Variants in PRMT8 observed in about 807,000 individuals in gnomAD.
The protein encoded by PRMT8 is protein arginine N-methyltransferase 8.
A neutral mutation model predicts 47.1 loss-of-function variants in PRMT8; 7 were observed. The observed-to-expected ratio is 0.15, with a 90% CI of 0.08 to 0.28. The LOEUF (loss-of-function observed/expected upper bound fraction) is 0.28, where lower values mean the gene tolerates loss of function less well. Among genes scored for constraint, PRMT8 ranks in the 10% least tolerant of loss-of-function variants. The pLI, the probability that PRMT8 is intolerant of heterozygous loss-of-function variation, is 1.00. For missense variants in PRMT8, 237 were observed against 505.4 expected (o/e 0.47, Z 5.09); for synonymous variants, 188 against 186.5 (o/e 1.01, Z -0.07).
chr12:3,586,264 A>T (rs1231903868), intron 8 of PRMT8, among the ~76,000 whole-genome samples: 1 of 152,116 alleles, frequency 6.6e-6, no homozygotes, highest in African/African-American at 2.4e-5. Context: ...ATCCAGAATC[A>T]AGACATCGGC....
At position 3,569,844 on chromosome 12, in the gene PRMT8, G is replaced by A. The variant is rs2137208220; in HGVS notation, c.712+280G>A. Among the ~76,000 whole-genome samples the A allele has an allele frequency of 6.6e-6, 1 of 152,318 alleles. No homozygotes were observed. Among genetic ancestry groups the A allele is most frequent in the South Asian group, 2.1e-4 (1 of 4,826 alleles). On this transcript the variant is annotated intron_variant, in intron 6 of 9. Transcript: ENST00000382622. The surrounding 1 kb of genome is among the most constrained non-coding windows in gnomAD (Gnocchi z 8.2). ...GTGAATTAAAAATTGGACTGAGGCA[G>A]CAGAAGCTGAGTTTTTGCAGAGATC...
At chr12:3,577,068 T>C in intron 7 of PRMT8, 82 bp downstream of exon 7, 1 of 1,171,628 alleles carries the variant, frequency 8.5e-7, no homozygotes, top group Non-Finnish European at 1.3e-6. Flanking sequence ...TGCCGGCTCC[T>C]GCACAGCCCC....
At chr12:3,512,801 A>G (rs1006642983) in intron 1 of PRMT8, among the ~76,000 whole-genome samples, 3 of 152,216 alleles carry the variant, frequency 2.0e-5, no homozygotes, top group East Asian at 3.8e-4. Context: ...GAATAAGTAA[A>G]TGAACTATGG....
chr12:3,470,251 C>T (rs932666580), intron 1 of PRMT8, among the ~76,000 whole-genome samples: 2 of 152,140 alleles, frequency 1.3e-5, no homozygotes, highest in African/African-American at 2.4e-5. Flanking sequence ...TGAGAGGGGC[C>T]GAGTCAGAGG....
chr12:3,412,048 G>T (rs778917942), intron 1 of PRMT8, among the ~76,000 whole-genome samples: 2 of 152,154 alleles, frequency 1.3e-5, no homozygotes, highest in Non-Finnish European at 2.9e-5. Context: ...GAATTGTGTT[G>T]TTAGGTGATT....
rs1211133982 is a variant in PRMT8 at position 3,514,471 on chromosome 12, G to A, written c.75+22771G>A. 6.6e-6 allele frequency among the ~76,000 whole-genome samples: 1 copy of A among 152,152 alleles called. No homozygotes were observed. Among genetic ancestry groups the A allele is most frequent in the Non-Finnish European group, 1.5e-5 (1 of 68,026 alleles). On this transcript the variant is annotated intron_variant, in intron 1 of 9. Transcript: ENST00000382622. The surrounding 1 kb of genome is among the most constrained non-coding windows in gnomAD (Gnocchi z 5.9). ...CTGCAGAGCCTCTCCAAATCCATCC[G>A]TACTTCCACTGAAGATGTCCAATAT... is the stretch of plus-strand genomic sequence containing the variant.
chr12:3,540,842 C>G, intron 2 of PRMT8, 51 bp downstream of exon 2: 1 of 1,557,464 alleles, frequency 6.4e-7, no homozygotes, highest in Non-Finnish European at 8.8e-7. Flanking sequence ...CTCTGCTGTT[C>G]TGTTGTTTTC....
At chr12:3,553,458 A>G in intron 3 of PRMT8, 193 bp from the exon 4 acceptor site, 1 of 612,206 alleles carries the variant, frequency 1.6e-6, no homozygotes, top group Non-Finnish European at 2.9e-6. Flanking sequence ...AAGGCAGCCC[A>G]ATTTCGTGGA....
intron 1 of PRMT8, among the ~76,000 whole-genome samples, chr12:3,473,062 T>C (rs974720711): frequency 6.6e-6 from 1 of 152,182 alleles, no homozygotes; most frequent in African/African-American, 2.4e-5. Context: ...AATGGAATTA[T>C]AACAAGACCT....
chr12:3,510,252 G>A (rs1004071001), intron 1 of PRMT8, among the ~76,000 whole-genome samples: 1 of 152,158 alleles, frequency 6.6e-6, no homozygotes, highest in Non-Finnish European at 1.5e-5. Flanking sequence ...CCTGCTCCCA[G>A]CGTGGTCCAG....
At position 3,576,677 on chromosome 12, in the gene PRMT8, T is replaced by C. The variant is rs979515301; in HGVS notation, c.713-194T>C. On this transcript the variant is annotated intron_variant, in intron 6 of 9. Coordinates refer to ENST00000382622, the MANE Select transcript of PRMT8 (RefSeq NM_019854.5). This position sits in a 1 kb window ranked among gnomAD's most constrained non-coding sequence, Gnocchi z 4.0. ...AAGTGGGACTTACCTTTTCCCGAGG[T>C]AGAAATGGAAATGGGAGTGAGCATT... Among the ~76,000 whole-genome samples, 7 of 151,986 alleles carry C rather than the reference T, an allele frequency of 4.6e-5. No homozygotes were observed. The highest frequency in any genetic ancestry group is 1.7e-4 in the African/African-American group (7 of 41,358).
intron 1 of PRMT8, among the ~76,000 whole-genome samples, chr12:3,531,411 G>A (rs556588084): frequency 4.6e-5 from 7 of 152,340 alleles, no homozygotes; most frequent in African/African-American, 1.7e-4. Context: ...CAAAATATCT[G>A]AGGATATAAG....
At chr12:3,478,527 T>C (rs77153970) in intron 1 of PRMT8, among the ~76,000 whole-genome samples, 1,571 of 152,294 alleles carry the variant, frequency 0.01, 30 homozygotes, top group African/African-American at 0.036. Context: ...TTCCCTCAGA[T>C]GACATGAAAG....
intron 2 of PRMT8, among the ~76,000 whole-genome samples, chr12:3,541,421 A>G (rs938902634): frequency 2.6e-5 from 4 of 152,304 alleles, no homozygotes; most frequent in South Asian, 2.1e-4. Flanking sequence ...CCCCTACTGT[A>G]TATCTTTCAT....
chr12:3,576,338 T>G lies in PRMT8; in HGVS notation c.713-533T>G, dbSNP rs12833949. Among the ~76,000 whole-genome samples the G allele has an allele frequency of 6.6e-6, 1 of 152,148 alleles. No individual in the cohort carries two copies. Among genetic ancestry groups the G allele is most frequent in the Non-Finnish European group, 1.5e-5 (1 of 68,020 alleles). On this transcript the variant is annotated intron_variant, in intron 6 of 9. Transcript: ENST00000382622. The surrounding 1 kb of genome is among the most constrained non-coding windows in gnomAD (Gnocchi z 4.0). ...GACCAGTAAGTGGTGGTGCTGGAAT[T>G]TAAACTGTAGTTGATTTCACGTTAA...
At chr12:3,522,145 G>A (rs1226299241) in intron 1 of PRMT8, among the ~76,000 whole-genome samples, 1 of 152,006 alleles carries the variant, frequency 6.6e-6, no homozygotes, top group African/African-American at 2.4e-5. Context: ...CAAAAAACTG[G>A]AAATTGTCCC....
At chr12:3,478,136 G>A (rs1350381364) in intron 1 of PRMT8, among the ~76,000 whole-genome samples, 6 of 152,148 alleles carry the variant, frequency 3.9e-5, no homozygotes, top group Non-Finnish European at 7.4e-5. Context: ...GACAGGACAG[G>A]GCCTGGGTGA....
chr12:3,553,720 A>G lies in PRMT8; in HGVS notation c.481+6A>G. On this transcript the variant is annotated splice_donor_region_variant and intron_variant, in intron 4 of 9. Transcript: ENST00000382622. ...GGCCAACCACTTGGACAACAGTAAG[A>G]CATACCTCTGAGTGTTTTCTCCTGG... 1 of 1,577,408 alleles carries G rather than the reference A, an allele frequency of 6.3e-7. No individual in the cohort carries two copies. Among genetic ancestry groups the G allele is most frequent in the Non-Finnish European group, 8.7e-7 (1 of 1,146,754 alleles).
chr12:3,507,488 A>G (rs1337988609), intron 1 of PRMT8, among the ~76,000 whole-genome samples: 3 of 152,138 alleles, frequency 2.0e-5, no homozygotes, highest in Admixed American at 6.5e-5. Flanking sequence ...GTCACATTAA[A>G]TTCAAGGACT....
Sources: gnomAD v4.1 joint callset for allele counts (sites outside exome capture counted in the v4.1 genomes callset) on GRCh38, gnomAD v4.1.1 for gene constraint, Gnocchi (gnomAD v3.1) non-coding constraint, MANE v1.5 for transcripts, NCBI Gene and HGNC (gene_info 2026-07-23, HGNC 2026-07-21) for gene names.